The following NLN variants were observed in gnomAD, a reference collection of about 807,000 sequenced individuals.
The protein encoded by NLN is neurolysin, mitochondrial.
Under a neutral mutation model 79.9 loss-of-function variants are expected in NLN, and 64 were observed. The ratio of observed to expected loss-of-function variants is 0.80; its 90% CI spans 0.65 to 0.99. NLN has a LOEUF of 0.99. Ranked by LOEUF, NLN falls within the 50% of genes least tolerant of loss-of-function variation. The pLI is 0.00. For missense variants in NLN, 835 were observed against 858.7 expected (o/e 0.97, Z 0.34); for synonymous variants, 267 against 296.6 (o/e 0.90, Z 1.02).
chr5:65,739,447 T>C (rs1758825045), intron 1 of NLN, among the ~76,000 whole-genome samples: 1 of 152,224 alleles, frequency 6.6e-6, no homozygotes, highest in Non-Finnish European at 1.5e-5. Context: ...TTCTATGTCT[T>C]GTCTATTGTG....
chr5:65,786,527 G>A (rs1759925838), intron 7 of NLN, among the ~76,000 whole-genome samples: 1 of 152,186 alleles, frequency 6.6e-6, no homozygotes. Flanking sequence ...GCCTTAGGCA[G>A]TATGCTAAAT....
At chr5:65,783,135 AGGGAATG>A (rs1759834703) in intron 6 of NLN, among the ~76,000 whole-genome samples, 1 of 152,200 alleles carries the variant, frequency 6.6e-6, no homozygotes, top group Non-Finnish European at 1.5e-5. Flanking sequence ...AGAGGTTACC[AGGGAATG>A]GGGAGAGGGA....
At chr5:65,738,984 A>C (rs1758806603) in intron 1 of NLN, among the ~76,000 whole-genome samples, 1 of 3,164 alleles carries the variant, frequency 3.2e-4, no homozygotes, top group African/African-American at 8.9e-4. Flanking sequence ...TATATATTAT[A>C]TATTTATATA....
At chr5:65,780,601 T>G (rs541560896) in intron 5 of NLN, among the ~76,000 whole-genome samples, 1 of 152,294 alleles carries the variant, frequency 6.6e-6, no homozygotes, top group Non-Finnish European at 1.5e-5. Flanking sequence ...AAAATTTTTT[T>G]TTGACTTGCA....
intron 9 of NLN, among the ~76,000 whole-genome samples, chr5:65,808,508 C>G (rs1405922048): frequency 2.0e-5 from 3 of 152,208 alleles, no homozygotes; most frequent in African/African-American, 7.2e-5. Flanking sequence ...ATGCTGTCTT[C>G]TCTGCCAATG....
Position 65,758,547 on chromosome 5 carries a change from C to A in NLN, c.42-20C>A. The A allele has an allele frequency of 2.5e-6, 4 of 1,575,346 alleles. No individual in the cohort carries two copies. The highest frequency in any genetic ancestry group is 3.5e-6 in the Non-Finnish European group (4 of 1,147,364). Reference sequence around the variant, plus strand: ...CCAACAGAAATCCCTAATTCTTATTCTTTTTCTGATTCTTTTTAGAGTTGG... The same window carrying A: ...CCAACAGAAATCCCTAATTCTTATTATTTTTCTGATTCTTTTTAGAGTTGG... On this transcript the variant is annotated intron_variant, in intron 1 of 12. Transcript: ENST00000380985.
intron 1 of NLN, among the ~76,000 whole-genome samples, chr5:65,744,843 C>G (rs1758941068): frequency 6.6e-6 from 1 of 152,074 alleles, no homozygotes; most frequent in Admixed American, 6.5e-5. Flanking sequence ...CCATTGCACT[C>G]CAGTCTGGGT....
chr5:65,800,615 G>C (rs951872392), intron 9 of NLN, among the ~76,000 whole-genome samples: 4 of 152,114 alleles, frequency 2.6e-5, no homozygotes, highest in African/African-American at 9.7e-5. Flanking sequence ...CTTGCAGTGA[G>C]CTGAGATTCT....
At chr5:65,783,178 G>A (rs1005263629) in intron 6 of NLN, among the ~76,000 whole-genome samples, 1 of 152,182 alleles carries the variant, frequency 6.6e-6, no homozygotes, top group Admixed American at 6.6e-5. Context: ...TGGTTACAGA[G>A]TTTCTGTTTG....
At position 65,824,196 on chromosome 5, in the gene NLN, A is replaced by G. The variant is rs1175631898; in HGVS notation, c.*1281A>G. The G allele has an allele frequency of 2.0e-5, 3 of 152,182 alleles. No individual in the cohort carries two copies. The highest frequency in any genetic ancestry group is 2.9e-5 in the Non-Finnish European group (2 of 68,036). 9.4% of individuals were successfully genotyped at this position (152,182 alleles called of 1,614,324 possible). On this transcript the variant is annotated 3_prime_UTR_variant, in exon 13 of 13. Transcript: ENST00000380985. ...TGCCTAGGTCTTCCAGTTGTTTTCC[A>G]GCGCATACCTCAGGTATGACTTTGC...
intron 1 of NLN, among the ~76,000 whole-genome samples, chr5:65,738,951 TTA>T (rs1477671409): frequency 6.1e-5 from 5 of 82,496 alleles, no homozygotes; most frequent in African/African-American, 2.3e-4. Context: ...TTATATATGT[TTA>T]TATATATGTA....
intron 1 of NLN, chr5:65,722,711 G>C: frequency 2.3e-6 from 1 of 438,504 alleles, no homozygotes; most frequent in South Asian, 2.9e-5. Context: ...AAATAGTTTG[G>C]ATAAGAAAAT....
intron 7 of NLN, among the ~76,000 whole-genome samples, chr5:65,787,256 G>GTA (rs1245874604): frequency 0.011 from 1,648 of 148,010 alleles, 25 homozygotes; most frequent in African/African-American, 0.039. Flanking sequence ...ATATATGTAT[G>GTA]TGTGTGTGTG....
At chr5:65,750,414 G>A (rs1032936876) in intron 1 of NLN, among the ~76,000 whole-genome samples, 2 of 152,220 alleles carry the variant, frequency 1.3e-5, no homozygotes, top group Non-Finnish European at 2.9e-5. Context: ...AATGGACTGA[G>A]TACCTGAGGA....
At chr5:65,767,076 A>C (rs1413084544) in intron 3 of NLN, among the ~76,000 whole-genome samples, 2 of 152,116 alleles carry the variant, frequency 1.3e-5, no homozygotes, top group Admixed American at 6.5e-5. Context: ...TGTCATGTGG[A>C]TCTACCATTC....
At position 65,809,860 on chromosome 5, in the gene NLN, G is replaced by A. The variant is rs568742369; in HGVS notation, c.1714+159G>A. On this transcript the variant is annotated intron_variant, in intron 10 of 12. Coordinates refer to ENST00000380985, the MANE Select transcript of NLN (RefSeq NM_020726.5). ...TAAATATATTGGAATAGGAAACCCC[G>A]GAATTTTGTCTGAGGCAAAAAACCA... Among the ~76,000 whole-genome samples, 91 of 152,220 alleles carry A rather than the reference G, an allele frequency of 6.0e-4. No individual in the cohort carries two copies. In the South Asian group the frequency reaches 0.018, roughly 30 times the overall value.
intron 6 of NLN, among the ~76,000 whole-genome samples, chr5:65,785,406 A>C (rs549411641): frequency 1.3e-5 from 2 of 152,208 alleles, no homozygotes; most frequent in Non-Finnish European, 2.9e-5. Context: ...GTATTTTACC[A>C]CAATAAAAAT....
chr5:65,788,463 T>G lies in NLN; in HGVS notation c.1304T>G (p.Phe435Cys), dbSNP rs760148137. 1.2e-6 allele frequency: 2 copies of G among 1,613,770 alleles called. No homozygotes were observed. Among genetic ancestry groups the G allele is most frequent in the Non-Finnish European group, 1.7e-6 (2 of 1,179,676 alleles). The part of the protein sequence containing the change: ...DKATGEVLGQ[F>C]YLDLYPREGK... ...GCTACAGGAGAAGTATTGGGACAGT[T>G]CTATTTGGACCTCTATCCAAGGTAC... The change falls in exon 8 of 13, where the codon TTC (phenylalanine) becomes TGC (cysteine). Residue 435 changes from phenylalanine (F) to cysteine (C), a missense_variant. Coordinates refer to ENST00000380985, the MANE Select transcript of NLN (RefSeq NM_020726.5).
At position 65,828,435 on chromosome 5, in the gene NLN, A is replaced by G. The variant is rs1305360670; in HGVS notation, c.*5520A>G. The G allele has an allele frequency of 3.3e-5, 5 of 152,252 alleles. No individual in the cohort carries two copies. Among genetic ancestry groups the G allele is most frequent in the African/African-American group, 4.8e-5 (2 of 41,462 alleles). 9.4% of individuals were successfully genotyped at this position (152,252 alleles called of 1,614,324 possible). On this transcript the variant is annotated 3_prime_UTR_variant, in exon 13 of 13. Transcript: ENST00000380985. ...TTTGAAAATACTTCTCAAAAGAAAA[A>G]TAAAAAAGAATTAGGGAAGTTCAGT... is the stretch of plus-strand genomic sequence containing the variant.
Sources: gnomAD v4.1 joint callset for allele counts (sites outside exome capture counted in the v4.1 genomes callset) on GRCh38, gnomAD v4.1.1 for gene constraint, MANE v1.5 for transcripts, NCBI Gene and HGNC (gene_info 2026-07-23, HGNC 2026-07-21) for gene names.